The following PLXDC2 variants were observed in gnomAD, a reference collection of about 807,000 sequenced individuals.
PLXDC2 encodes plexin domain-containing protein 2.
Under a neutral mutation model 68.9 loss-of-function variants are expected in PLXDC2, and 40 were observed. The observed-to-expected ratio is 0.58, with a 90% confidence interval of 0.45 to 0.76. PLXDC2 has a LOEUF of 0.76. Ranked by LOEUF, PLXDC2 falls within the 30% of genes least tolerant of loss-of-function variation. PLXDC2 has a pLI of 0.00. For synonymous variants in PLXDC2, 243 were observed against 234.2 expected (o/e 1.04, Z -0.34); for missense variants, 644 against 661.9 (o/e 0.97, Z 0.30).
intron 1 of PLXDC2, among the ~76,000 whole-genome samples, chr10:19,915,658 C>T (rs958416816): frequency 6.6e-6 from 1 of 152,034 alleles, no homozygotes; most frequent in Admixed American, 6.6e-5. Flanking sequence ...GTCACTAAGT[C>T]GTTTCTTCCA....
At chr10:20,153,956 A>G (rs1189598620) in intron 6 of PLXDC2, among the ~76,000 whole-genome samples, 1 of 152,156 alleles carries the variant, frequency 6.6e-6, no homozygotes. Context: ...ATCATAGCAT[A>G]TCAAGGCCAT....
At chr10:20,044,130 C>CCCTTCCTT (rs1835735256) in intron 2 of PLXDC2, among the ~76,000 whole-genome samples, 1 of 16,778 alleles carries the variant, frequency 6.0e-5, no homozygotes, top group African/African-American at 1.8e-4. Context: ...CTTCCTCCCT[C>CCCTTCCTT]CCTCCCTCTC....
At chr10:20,276,499 G>T (rs756859083) in intron 13 of PLXDC2, among the ~76,000 whole-genome samples, 1 of 152,070 alleles carries the variant, frequency 6.6e-6, no homozygotes, top group East Asian at 1.9e-4. Flanking sequence ...TTCTGAATAT[G>T]ATTAATCACA....
chr10:20,054,918 CTATTTA>C (rs1428645627), intron 3 of PLXDC2, among the ~76,000 whole-genome samples: 1 of 152,024 alleles, frequency 6.6e-6, no homozygotes, highest in African/African-American at 2.4e-5. Context: ...CTATATATTT[CTATTTA>C]TATCTTTCTA....
At chr10:19,935,367 C>T (rs1169270687) in intron 1 of PLXDC2, among the ~76,000 whole-genome samples, 2 of 152,224 alleles carry the variant, frequency 1.3e-5, no homozygotes, top group African/African-American at 2.4e-5. Flanking sequence ...ATAATCTGCA[C>T]TCTGGAAATT....
intron 6 of PLXDC2, among the ~76,000 whole-genome samples, chr10:20,163,559 T>C (rs1834334861): frequency 6.6e-6 from 1 of 152,154 alleles, no homozygotes; most frequent in Admixed American, 6.5e-5. Flanking sequence ...ACCCAAAATC[T>C]GCTTATTCTG....
chr10:20,275,217 C>G (rs1192861307), intron 13 of PLXDC2, among the ~76,000 whole-genome samples: 3 of 151,936 alleles, frequency 2.0e-5, no homozygotes, highest in Non-Finnish European at 4.4e-5. Flanking sequence ...TCTACTGGCT[C>G]CTGGAGGAGT....
chr10:20,128,835 T>G (rs1348918498), intron 4 of PLXDC2, among the ~76,000 whole-genome samples: 1 of 152,162 alleles, frequency 6.6e-6, no homozygotes, highest in African/African-American at 2.4e-5. Context: ...AAAGGCTGAA[T>G]AGTATTCCAT....
chr10:19,892,797 C>A (rs1024297604), intron 1 of PLXDC2, among the ~76,000 whole-genome samples: 1 of 152,028 alleles, frequency 6.6e-6, no homozygotes, highest in Admixed American at 6.6e-5. Flanking sequence ...GCCGGCACAA[C>A]AATAAGTCTC....
At chr10:20,193,789 G>GT (rs1319905126) in intron 9 of PLXDC2, among the ~76,000 whole-genome samples, 7 of 151,898 alleles carry the variant, frequency 4.6e-5, no homozygotes, top group Admixed American at 6.6e-5. Flanking sequence ...CTTAAAATTC[G>GT]TTTTTTTGTG....
intron 12 of PLXDC2, among the ~76,000 whole-genome samples, chr10:20,230,971 C>T (rs955565655): frequency 4.0e-5 from 6 of 149,116 alleles, no homozygotes; most frequent in South Asian, 2.1e-4. Context: ...AAGAATCAAA[C>T]GAGAAGCAGT....
chr10:19,890,665 G>A (rs1299144954), intron 1 of PLXDC2, among the ~76,000 whole-genome samples: 4 of 122,762 alleles, frequency 3.3e-5, no homozygotes, highest in East Asian at 5.2e-4. Flanking sequence ...GTGAGCCACC[G>A]CGCCCGGCTG....
intron 12 of PLXDC2, among the ~76,000 whole-genome samples, chr10:20,226,876 C>A (rs1835293967): frequency 3.3e-5 from 5 of 152,066 alleles, no homozygotes; most frequent in African/African-American, 9.7e-5. Context: ...AAACCCGGAC[C>A]AGGGAACCTT....
chr10:20,206,926 T>G (rs1276977339), intron 9 of PLXDC2, among the ~76,000 whole-genome samples: 1 of 151,828 alleles, frequency 6.6e-6, no homozygotes, highest in African/African-American at 2.4e-5. Flanking sequence ...TTCTCAAAAG[T>G]GATTTTGGTT....
intron 7 of PLXDC2, among the ~76,000 whole-genome samples, chr10:20,173,123 A>G (rs999744579): frequency 6.6e-6 from 1 of 152,146 alleles, no homozygotes; most frequent in African/African-American, 2.4e-5. Context: ...TCATGCTGGA[A>G]ATGAATCTTG....
rs75325549 is a variant in PLXDC2, at chr10:19,992,643, A to T, written c.113-9132A>T. On this transcript the variant is annotated intron_variant, in intron 1 of 13. Transcript: ENST00000377252. ...ACAGTTAGTAGAAAACCCTCAATTA[A>T]TGCAAAGATTAATTGTTTTAAAGTA... 4.8e-3 allele frequency among the ~76,000 whole-genome samples: 729 copies of T among 152,288 alleles called. 5 individuals carry two copies. The highest frequency in any genetic ancestry group is 0.017 in the African/African-American group (687 of 41,568).
At chr10:19,950,148 A>G (rs1383248688) in intron 1 of PLXDC2, among the ~76,000 whole-genome samples, 2 of 152,200 alleles carry the variant, frequency 1.3e-5, no homozygotes, top group Admixed American at 1.3e-4. Context: ...TCAAGATATT[A>G]CTAATTGTCC....
chr10:19,980,804 T>C (rs1334767952), intron 1 of PLXDC2, among the ~76,000 whole-genome samples: 4 of 152,170 alleles, frequency 2.6e-5, no homozygotes, highest in African/African-American at 9.7e-5. Flanking sequence ...ATTCCATAGA[T>C]GCCCCATCCC....
At chr10:20,033,420 A>C (rs1322543448) in intron 2 of PLXDC2, among the ~76,000 whole-genome samples, 1 of 152,132 alleles carries the variant, frequency 6.6e-6, no homozygotes, top group Non-Finnish European at 1.5e-5. Context: ...TCATTTTGGC[A>C]TTCCAAGTAT....
Sources: gnomAD v4.1 joint callset for allele counts (sites outside exome capture counted in the v4.1 genomes callset) on GRCh38, gnomAD v4.1.1 for gene constraint, MANE v1.5 for transcripts, NCBI Gene and HGNC (gene_info 2026-07-23, HGNC 2026-07-21) for gene names.